The following ANK3 variants were observed in gnomAD, a reference collection of about 807,000 sequenced individuals.
ANK3 encodes the protein ankyrin-3.
In ANK3, 57 loss-of-function variants were observed where a neutral mutation model predicts 370.9. That is an observed-to-expected ratio of 0.15 (90% confidence interval 0.12 to 0.19). The LOEUF (loss-of-function observed/expected upper bound fraction) is 0.19. Among genes scored for constraint, ANK3 ranks in the 10% least tolerant of loss-of-function variants. The probability of loss-of-function intolerance (pLI) is 1.00; values close to 1 mark genes in which losing one functional copy is unlikely to be tolerated. For missense variants in ANK3, 4,439 were observed against 5,302.1 expected (o/e 0.84, Z 5.06); for synonymous variants, 1,929 against 1,946.3 (o/e 0.99, Z 0.23).
In ANK3 at chr10:60,699,024, A is replaced by G. The variant is rs539690243; in HGVS notation, c.57+34239T>C. On this transcript the variant is annotated intron_variant, in intron 1 of 43. Transcript: ENST00000373827. ...ACTATAATTCTAAGTGAAGTAACTC[A>G]GGAATGGAAAACTAAACATGGTATG... is the stretch of plus-strand genomic sequence containing the variant. Among the ~76,000 whole-genome samples the G allele has an allele frequency of 2.0e-5, 3 of 151,716 alleles. No homozygotes were observed. The East Asian group carries it at 5.8e-4, about 29-fold the overall frequency.
intron 2 of ANK3, among the ~76,000 whole-genome samples, chr10:60,470,418 A>G (rs937320657): frequency 2.0e-4 from 30 of 152,202 alleles, no homozygotes; most frequent in African/African-American, 7.0e-4. Flanking sequence ...AGTACTTTGC[A>G]TTTTCCAATA....
intron 2 of ANK3, among the ~76,000 whole-genome samples, chr10:60,445,474 C>A: frequency 7.0e-6 from 1 of 143,640 alleles, no homozygotes; most frequent in Non-Finnish European, 1.5e-5. Flanking sequence ...ATTAAGCTGA[C>A]AATAGTGATT....
At chr10:60,549,888 T>C (rs1350239648) in intron 2 of ANK3, among the ~76,000 whole-genome samples, 3 of 152,044 alleles carry the variant, frequency 2.0e-5, no homozygotes, top group African/African-American at 7.2e-5. Context: ...CTTTATAGAG[T>C]CACTAGGTGG....
chr10:60,103,507 T>C (rs1264971380), intron 28 of ANK3, among the ~76,000 whole-genome samples: 1 of 151,860 alleles, frequency 6.6e-6, no homozygotes, highest in Admixed American at 6.6e-5. Flanking sequence ...TTGGCTGGTC[T>C]GCTTTTGAAG....
chr10:60,575,030 T>G (rs2077666097), intron 2 of ANK3, among the ~76,000 whole-genome samples: 1 of 152,140 alleles, frequency 6.6e-6, no homozygotes, highest in African/African-American at 2.4e-5. Flanking sequence ...ACATAAAAAT[T>G]TACAAGTTAA....
intron 17 of ANK3, among the ~76,000 whole-genome samples, chr10:60,184,173 G>T (rs2096268779): frequency 6.6e-6 from 1 of 152,048 alleles, no homozygotes; most frequent in Non-Finnish European, 1.5e-5. Flanking sequence ...TTTTTTAATA[G>T]TTATTTTTTA....
rs41274678 is a variant in ANK3, at chr10:60,082,514, C to T, written c.4323+101G>A. ...GAGGAGACTAATACAACTTCAGTTTCAAGAGCTTTATTCATGTTACAAAGC... is the reference window on the plus strand; with the variant it reads ...GAGGAGACTAATACAACTTCAGTTTTAAGAGCTTTATTCATGTTACAAAGC... On this transcript the variant is annotated intron_variant, in intron 34 of 43. Transcript: ENST00000280772. 8,107 of 1,467,408 alleles carry T rather than the reference C, an allele frequency of 5.5e-3. 38 individuals are homozygous for T. Among genetic ancestry groups the T allele is most frequent in the Non-Finnish European group, 6.8e-3 (7,457 of 1,096,316 alleles). The allele number at this position is 1,467,408 out of a possible 1,614,324, so 90.9% of individuals were successfully genotyped here. A position where few individuals can be genotyped will look rare whatever the true frequency, so the allele number is the denominator to read the frequency against.
intron 8 of ANK3, among the ~76,000 whole-genome samples, chr10:60,220,533 T>C (rs2097030162): frequency 6.6e-6 from 1 of 152,234 alleles, no homozygotes; most frequent in Non-Finnish European, 1.5e-5. Context: ...TGATAAAACC[T>C]TGGTCCCCAC....
intron 23 of ANK3, chr10:60,144,227 A>C (rs2094702901): frequency 2.2e-6 from 1 of 444,522 alleles, no homozygotes; most frequent in Non-Finnish European, 4.5e-6. Flanking sequence ...AGGTAACCAA[A>C]ACAAAAATGA....
intron 28 of ANK3, among the ~76,000 whole-genome samples, chr10:60,093,260 T>C (rs1032220186): frequency 2.0e-5 from 3 of 152,198 alleles, no homozygotes; most frequent in Non-Finnish European, 2.9e-5. Flanking sequence ...GATTATCTGT[T>C]TAAATCGCTA....
At chr10:60,399,057 G>A (rs1405146764) in intron 2 of ANK3, among the ~76,000 whole-genome samples, 1 of 152,114 alleles carries the variant, frequency 6.6e-6, no homozygotes. Context: ...AAATATTTAT[G>A]GGGTATCGCC....
chr10:60,315,446 A>G (rs1323893465), intron 1 of ANK3, among the ~76,000 whole-genome samples: 2 of 152,142 alleles, frequency 1.3e-5, no homozygotes, highest in African/African-American at 2.4e-5. Flanking sequence ...GAAGTTGGGC[A>G]TAGAACCCAG....
intron 2 of ANK3, among the ~76,000 whole-genome samples, chr10:60,443,363 C>G (rs562376937): frequency 6.6e-6 from 1 of 151,956 alleles, no homozygotes; most frequent in East Asian, 1.9e-4. Context: ...TGGATCACTG[C>G]TGTCTCATAA....
intron 2 of ANK3, among the ~76,000 whole-genome samples, chr10:60,569,228 C>T (rs1309025194): frequency 6.6e-6 from 1 of 152,156 alleles, no homozygotes; most frequent in Non-Finnish European, 1.5e-5. Context: ...TACTCTACAT[C>T]AAGCTTGAAA....
intron 18 of ANK3, among the ~76,000 whole-genome samples, chr10:60,180,777 G>A (rs1173472395): frequency 2.0e-5 from 3 of 151,242 alleles, no homozygotes; most frequent in African/African-American, 7.3e-5. Context: ...GTGTGTTTGA[G>A]TTGTGGCATT....
intron 1 of ANK3, among the ~76,000 whole-genome samples, chr10:60,731,367 T>C (rs1717840768): frequency 6.6e-6 from 1 of 152,236 alleles, no homozygotes; most frequent in South Asian, 2.1e-4. Context: ...CTTTACATTG[T>C]CTGAAGGATC....
intron 23 of ANK3, among the ~76,000 whole-genome samples, chr10:60,165,026 A>T (rs2095590340): frequency 6.6e-6 from 1 of 152,196 alleles, no homozygotes; most frequent in Non-Finnish European, 1.5e-5. Flanking sequence ...TTCGAGATTC[A>T]AAATCTCCAT....
At chr10:60,665,592 G>A (rs374871558) in intron 1 of ANK3, among the ~76,000 whole-genome samples, 1 of 152,124 alleles carries the variant, frequency 6.6e-6, no homozygotes, top group South Asian at 2.1e-4. Flanking sequence ...TGTGTCTTCA[G>A]TATCTGTTTT....
intron 2 of ANK3, among the ~76,000 whole-genome samples, chr10:60,436,486 T>G (rs140812213): frequency 6.6e-6 from 1 of 152,220 alleles, no homozygotes; most frequent in South Asian, 2.1e-4. Context: ...TGTATGCCTT[T>G]TTTATAGTTA....
Sources: gnomAD v4.1 joint callset for allele counts (sites outside exome capture counted in the v4.1 genomes callset) on GRCh38, gnomAD v4.1.1 for gene constraint, MANE v1.5 for transcripts, NCBI Gene and HGNC (gene_info 2026-07-23, HGNC 2026-07-21) for gene names.